ADRA1A: variants seen among roughly 807,000 people sequenced by gnomAD.
ADRA1A encodes the protein adrenoceptor alpha 1A.
A neutral mutation model predicts 29.6 loss-of-function variants in ADRA1A; 31 were observed. The ratio of observed to expected loss-of-function variants is 1.05; its 90% CI spans 0.79 to 1.41. The LOEUF is 1.41. Among genes scored for constraint, ADRA1A ranks in the 40% most tolerant of loss-of-function variants. The probability of loss-of-function intolerance (pLI) is 0.00; values close to 1 mark genes in which losing one functional copy is unlikely to be tolerated. For missense variants in ADRA1A, 619 were observed against 601.1 expected, an observed-to-expected ratio of 1.03 and a Z score of -0.31; for synonymous variants, 311 against 254.3, an observed-to-expected ratio of 1.22 and a Z score of -2.12.
Position 26,768,963 on chromosome 8 carries a change from C to A in ADRA1A, c.*1186G>T, listed in dbSNP as rs1805943491. On this transcript the variant is annotated 3_prime_UTR_variant, in exon 3 of 3. Transcript: ENST00000380573. ...ATGGCCTTCTATCAAAAAATGTTTG[C>A]AAACTCCTGCGTTAGACAGTTCTTT... 1 of 985,276 alleles carries A rather than the reference C, an allele frequency of 1.0e-6. No individual in the cohort carries two copies. The allele number at this position is 985,276 out of a possible 1,614,324, so 61.0% of individuals were successfully genotyped here.
Position 26,775,640 on chromosome 8 carries a change from A to T in ADRA1A, c.884-4974T>A, listed in dbSNP as rs982534174. Among the ~76,000 whole-genome samples the T allele has an allele frequency of 2.0e-5, 3 of 152,092 alleles. No individual in the cohort carries two copies. Among genetic ancestry groups the T allele is most frequent in the Non-Finnish European group, 4.4e-5 (3 of 68,006 alleles). ...CAGCTCAAGCCATCCTTTGCATGTG[A>T]ATTTGCCTGGTTTAATTCTTGGGCT... On this transcript the variant is annotated intron_variant, in intron 2 of 2. Transcript: ENST00000380573. This position sits in a 1 kb window ranked among gnomAD's most constrained non-coding sequence, Gnocchi z 4.1.
intron 2 of ADRA1A, among the ~76,000 whole-genome samples, chr8:26,771,248 T>C (rs13277287): frequency 0.54 from 82,016 of 152,146 alleles, 23,436 homozygotes; most frequent in East Asian, 0.85. Context: ...TGTCTTTTGA[T>C]GTCACCGTTA....
chr8:26,834,734 C>T (rs1160867026), intron 2 of ADRA1A, among the ~76,000 whole-genome samples: 1 of 152,196 alleles, frequency 6.6e-6, no homozygotes, highest in African/African-American at 2.4e-5. Flanking sequence ...GGCAGAGTAT[C>T]AAAGCATGTC....
At position 26,819,134 on chromosome 8, in the gene ADRA1A, C is replaced by T. The variant is rs183878237; in HGVS notation, c.883+44953G>A. On this transcript the variant is annotated intron_variant, in intron 2 of 2. Coordinates refer to ENST00000380573, the MANE Select transcript of ADRA1A (RefSeq NM_000680.4). ...TCCATGAGGCTATCAGTGGATTTCA[C>T]AGGAGAAACCTTGCTGGCCAGGAGG... is the stretch of plus-strand genomic sequence containing the variant. Among the ~76,000 whole-genome samples, 137 of 152,224 alleles carry T rather than the reference C, an allele frequency of 9.0e-4. 1 individual carries two copies. The highest frequency in any genetic ancestry group is 2.9e-3 in the South Asian group (14 of 4,822).
intron 2 of ADRA1A, among the ~76,000 whole-genome samples, chr8:26,801,351 A>G (rs140361777): frequency 1.3e-3 from 199 of 152,340 alleles, no homozygotes; most frequent in Non-Finnish European, 2.3e-3. Context: ...TTGTTTGCAG[A>G]TGATATAATC....
chr8:26,771,255 G>A (rs955602347), intron 2 of ADRA1A, among the ~76,000 whole-genome samples: 5 of 152,166 alleles, frequency 3.3e-5, no homozygotes, highest in African/African-American at 7.2e-5. Flanking sequence ...TGATGTCACC[G>A]TTAGCTCCCT....
intron 2 of ADRA1A, among the ~76,000 whole-genome samples, chr8:26,855,976 C>G (rs1196450768): frequency 6.6e-6 from 1 of 152,188 alleles, no homozygotes; most frequent in Admixed American, 6.5e-5. Context: ...ATTACTCCAT[C>G]CAAGTAATAA....
At chr8:26,771,625 CT>C (rs1174515699) in intron 2 of ADRA1A, among the ~76,000 whole-genome samples, 1 of 152,226 alleles carries the variant, frequency 6.6e-6, no homozygotes, top group East Asian at 1.9e-4. Context: ...GGATTATCTC[CT>C]CCAATTACTC....
chr8:26,808,387 T>C (rs1809149681), intron 2 of ADRA1A, among the ~76,000 whole-genome samples: 1 of 152,214 alleles, frequency 6.6e-6, no homozygotes, highest in South Asian at 2.1e-4. Flanking sequence ...TAGTGCTGGA[T>C]TTTTTTCATT....
chr8:26,770,725 A>G (rs1048425212), intron 2 of ADRA1A, 59 bp from the exon 3 acceptor site: 4 of 1,526,694 alleles, frequency 2.6e-6, no homozygotes, highest in East Asian at 4.5e-5. Flanking sequence ...CCAATTGGCT[A>G]GGAAAACAAT....
At chr8:26,843,738 G>T (rs59744548) in intron 2 of ADRA1A, among the ~76,000 whole-genome samples, 5 of 152,126 alleles carry the variant, frequency 3.3e-5, no homozygotes, top group East Asian at 3.9e-4. Flanking sequence ...GGAAAAGCTG[G>T]GCATTTTCAT....
chr8:26,807,907 C>T (rs1290752503), intron 2 of ADRA1A, among the ~76,000 whole-genome samples: 1 of 152,180 alleles, frequency 6.6e-6, no homozygotes, highest in Non-Finnish European at 1.5e-5. Context: ...TCCCTCTCTA[C>T]ACCATCACCT....
intron 2 of ADRA1A, among the ~76,000 whole-genome samples, chr8:26,850,743 C>T (rs376846893): frequency 2.6e-5 from 4 of 152,334 alleles, no homozygotes; most frequent in South Asian, 2.1e-4. Context: ...CCGCCCACCT[C>T]GGCCTCCCAA....
downstream of ADRA1A, chr8:26,768,781 G>A: frequency 2.0e-6 from 1 of 505,848 alleles, no homozygotes; most frequent in African/African-American, 2.1e-5. Context: ...CTGGTTCCAG[G>A]CATTTCAGAA....
Position 26,776,296 on chromosome 8 carries a change from G to A in ADRA1A, c.884-5630C>T, listed in dbSNP as rs115940097. Among the ~76,000 whole-genome samples the A allele has an allele frequency of 1.6e-3, 249 of 152,294 alleles. 1 individual carries two copies. The highest frequency in any genetic ancestry group is 5.6e-3 in the African/African-American group (232 of 41,560). Reference sequence around the variant, plus strand: ...TCTCAGAATGAGGGTGACTTGATATGGAAGCTGAAAGCTGTGAGTCAGTCT... The same window carrying A: ...TCTCAGAATGAGGGTGACTTGATATAGAAGCTGAAAGCTGTGAGTCAGTCT... On this transcript the variant is annotated intron_variant, in intron 2 of 2. Coordinates refer to ENST00000380573, the MANE Select transcript of ADRA1A (RefSeq NM_000680.4).
intron 2 of ADRA1A, among the ~76,000 whole-genome samples, chr8:26,829,179 C>G (rs577176728): frequency 1.6e-4 from 25 of 152,196 alleles, no homozygotes; most frequent in Admixed American, 9.2e-4. Context: ...TCACAATGCT[C>G]GGGAGACTCA....
chr8:26,828,770 C>A (rs1477343215), intron 2 of ADRA1A, among the ~76,000 whole-genome samples: 1 of 152,100 alleles, frequency 6.6e-6, no homozygotes, highest in East Asian at 1.9e-4. Flanking sequence ...GGTCAGTGAT[C>A]TAGTATTCAA....
rs772902463 is a variant in ADRA1A at position 26,849,166 on chromosome 8, A to C, written c.883+14921T>G. The stretch of plus-strand genomic sequence containing the variant: ...TTCTTGAAACTATAGTTTGGTTAGG[A>C]CCAGCCTGAATAAAAAACTGATGAA... On this transcript the variant is annotated intron_variant, in intron 2 of 2. Coordinates refer to ENST00000380573, the MANE Select transcript of ADRA1A (RefSeq NM_000680.4). Among the ~76,000 whole-genome samples, 104 of 152,224 alleles carry C rather than the reference A, an allele frequency of 6.8e-4. 1 individual carries two copies. The highest frequency in any genetic ancestry group is 3.2e-3 in the Middle Eastern group (1 of 316).
chr8:26,846,468 A>G (rs994161640), intron 2 of ADRA1A, among the ~76,000 whole-genome samples: 3 of 152,176 alleles, frequency 2.0e-5, no homozygotes, highest in African/African-American at 7.2e-5. Flanking sequence ...TTGTGACACT[A>G]TGACAGAAAG....
Sources: gnomAD v4.1 joint callset for allele counts (sites outside exome capture counted in the v4.1 genomes callset) on GRCh38, gnomAD v4.1.1 for gene constraint, Gnocchi (gnomAD v3.1) non-coding constraint, MANE v1.5 for transcripts, NCBI Gene and HGNC (gene_info 2026-07-23, HGNC 2026-07-21) for gene names.